The following TTC39B variants were observed in gnomAD, a reference collection of about 807,000 sequenced individuals.
TTC39B encodes tetratricopeptide repeat protein 39B.
A neutral mutation model predicts 96.6 loss-of-function variants in TTC39B; 92 were observed. That is an observed-to-expected ratio of 0.95 (90% CI 0.80 to 1.13). The LOEUF (loss-of-function observed/expected upper bound fraction) is 1.13. Ranked by LOEUF, TTC39B falls within the 50% of genes most tolerant of loss-of-function variation. TTC39B has a pLI of 0.00. For synonymous variants in TTC39B, 367 were observed against 299.4 expected, an observed-to-expected ratio of 1.23 and a Z score of -2.33; for missense variants, 955 against 809.3, an observed-to-expected ratio of 1.18 and a Z score of -2.18.
chr9:15,164,460 G>C (rs1032157818), exon 20 of TTC39B: 1 of 152,106 alleles, frequency 6.6e-6, no homozygotes, highest in South Asian at 2.1e-4. Context: ...GAGGTTTTGA[G>C]GTGGGCAGAC....
chr9:15,218,632 T>TAAAAAAAAAAA (rs545882970), intron 3 of TTC39B, among the ~76,000 whole-genome samples: 19 of 105,152 alleles, frequency 1.8e-4, no homozygotes, highest in African/African-American at 6.0e-4. Context: ...TTAGTCTATT[T>TAAAAAAAAAAA]TAAATATATA....
At chr9:15,185,375 C>T (rs1037826930) in exon 16 of TTC39B, 31 of 1,613,808 alleles carry the variant, frequency 1.9e-5, no homozygotes, top group Admixed American at 1.7e-4. Context: ...ATAGATTTCC[C>T]GGCAATTCTC....
chr9:15,294,538 T>A lies in TTC39B; in HGVS notation c.240+12546A>T, dbSNP rs537380722. The stretch of plus-strand genomic sequence containing the variant: ...TTATCACCTCCCTTGCTGACAAATA[T>A]TAACACTTTTCAGTTTTAGATAGAG... On this transcript the variant is annotated intron_variant, in intron 1 of 19. Transcript: ENST00000512701. 3.9e-5 allele frequency among the ~76,000 whole-genome samples: 6 copies of A among 152,358 alleles called. No homozygotes were observed. In the East Asian group the frequency reaches 1.2e-3, roughly 29 times the overall value.
At chr9:15,291,749 A>T (rs1312758963) in intron 1 of TTC39B, among the ~76,000 whole-genome samples, 1 of 148,570 alleles carries the variant, frequency 6.7e-6, no homozygotes, top group Non-Finnish European at 1.5e-5. Context: ...ACAAAGAATT[A>T]AAAAAAAAAA....
At chr9:15,297,370 A>G (rs574260738) in intron 1 of TTC39B, among the ~76,000 whole-genome samples, 1 of 152,340 alleles carries the variant, frequency 6.6e-6, no homozygotes, top group South Asian at 2.1e-4. Context: ...ACAAGGCTCA[A>G]AAACATTAAG....
chr9:15,217,719 T>C (rs1176100790), intron 3 of TTC39B, among the ~76,000 whole-genome samples: 1 of 152,104 alleles, frequency 6.6e-6, no homozygotes, highest in Non-Finnish European at 1.5e-5. Flanking sequence ...GACTCCATGG[T>C]TCTCAAACTC....
chr9:15,227,373 A>G (rs1444644808), intron 2 of TTC39B, among the ~76,000 whole-genome samples: 1 of 151,066 alleles, frequency 6.6e-6, no homozygotes, highest in Non-Finnish European at 1.5e-5. Flanking sequence ...TTTTTCCCCC[A>G]TTGGAAGTTC....
At position 15,183,726 on chromosome 9, in the gene TTC39B, G is replaced by C. The variant is rs766530425; in HGVS notation, c.1615-1311C>G. Among the ~76,000 whole-genome samples, 38 of 152,324 alleles carry C rather than the reference G, an allele frequency of 2.5e-4. No homozygotes were observed. The Middle Eastern group carries it at 0.01, about 41-fold the overall frequency. On this transcript the variant is annotated intron_variant, in intron 16 of 19. Transcript: ENST00000512701. ...ACTTAATAAAAATGAATCAGGCATG[G>C]AGCTAAGGCTCTAATTGGTTAAGCA...
At chr9:15,163,783 T>G (rs1817473072) in exon 20 of TTC39B, 1 of 152,244 alleles carries the variant, frequency 6.6e-6, no homozygotes, top group African/African-American at 2.4e-5. Flanking sequence ...TAAAATGTGT[T>G]GACTTTCAAG....
chr9:15,192,731 C>T, intron 8 of TTC39B, 36 bp from the exon 9 acceptor site: 1 of 1,378,654 alleles, frequency 7.3e-7, no homozygotes, highest in Non-Finnish European at 1.0e-6. Context: ...CATAAGTTGA[C>T]CATGACTCTG....
exon 16 of TTC39B, chr9:15,185,367 A>C: frequency 6.2e-7 from 1 of 1,613,918 alleles, no homozygotes; most frequent in Non-Finnish European, 8.5e-7. Context: ...CAGTAGGGAT[A>C]GATTTCCCGG....
chr9:15,291,859 A>G (rs937278596), intron 1 of TTC39B, among the ~76,000 whole-genome samples: 1 of 152,228 alleles, frequency 6.6e-6, no homozygotes, highest in Non-Finnish European at 1.5e-5. Context: ...CTTGCAAGGC[A>G]GCAGACACAG....
intron 9 of TTC39B, 145 bp from the exon 10 acceptor site, chr9:15,191,400 T>A (rs1818849603): frequency 3.3e-6 from 2 of 603,512 alleles, no homozygotes; most frequent in East Asian, 5.8e-5. Context: ...TGTTACCACA[T>A]ACTGTAACAA....
intron 2 of TTC39B, among the ~76,000 whole-genome samples, chr9:15,250,432 T>C (rs1451528487): frequency 6.6e-6 from 1 of 151,944 alleles, no homozygotes; most frequent in Non-Finnish European, 1.5e-5. Context: ...AAAAGAATGA[T>C]CCCTTTTGTC....
intron 1 of TTC39B, among the ~76,000 whole-genome samples, chr9:15,291,084 A>G (rs557201103): frequency 6.6e-6 from 1 of 152,358 alleles, no homozygotes; most frequent in South Asian, 2.1e-4. Flanking sequence ...AGACAGCATT[A>G]AAGGAATTCC....
chr9:15,261,759 C>A (rs1401667706), intron 2 of TTC39B, among the ~76,000 whole-genome samples: 1 of 152,208 alleles, frequency 6.6e-6, no homozygotes, highest in Non-Finnish European at 1.5e-5. Context: ...CAAAAGATAG[C>A]TTTCTTTTGG....
chr9:15,210,810 G>T (rs541122787), intron 5 of TTC39B, among the ~76,000 whole-genome samples: 2 of 145,806 alleles, frequency 1.4e-5, no homozygotes, highest in South Asian at 4.1e-4. Flanking sequence ...TTTTGATAGG[G>T]TCTTCCTATA....
intron 1 of TTC39B, among the ~76,000 whole-genome samples, chr9:15,303,043 A>G (rs561580656): frequency 1.0e-3 from 156 of 148,894 alleles, no homozygotes; most frequent in Non-Finnish European, 1.7e-3. Context: ...TGGCACGCAC[A>G]TGTAGTCCCA....
intron 2 of TTC39B, among the ~76,000 whole-genome samples, chr9:15,244,698 T>C (rs1822194348): frequency 6.6e-6 from 1 of 152,216 alleles, no homozygotes; most frequent in Admixed American, 6.5e-5. Context: ...GCTTAATGCT[T>C]CCTGCAGTCA....
Sources: gnomAD v4.1 joint callset for allele counts (sites outside exome capture counted in the v4.1 genomes callset) on GRCh38, gnomAD v4.1.1 for gene constraint, MANE v1.5 for transcripts, NCBI Gene and HGNC (gene_info 2026-07-23, HGNC 2026-07-21) for gene names.